Variants in HECW2 observed in about 807,000 individuals in gnomAD.
HECW2 encodes the protein HECT, C2 and WW domain containing E3 ubiquitin protein ligase 2.
HECW2 carries 61 observed loss-of-function variants against 175.2 expected under a neutral mutation model. That is an observed-to-expected ratio of 0.35 (90% CI 0.28 to 0.43). HECW2 has a LOEUF of 0.43. HECW2 is among the 20% of genes least tolerant of loss of function. The pLI, the probability that HECW2 is intolerant of heterozygous loss-of-function variation, is 1.00. For synonymous variants in HECW2, 671 were observed against 731.0 expected, an observed-to-expected ratio of 0.92 and a Z score of 1.32; for missense variants, 1,524 against 2,000.5, an observed-to-expected ratio of 0.76 and a Z score of 4.54.
rs778533837 is a variant in HECW2 at position 196,278,564 on chromosome 2, T to C, written c.3099A>G (p.Gln1033=). 64 of 1,614,148 alleles carry C rather than the reference T, an allele frequency of 4.0e-5. No homozygotes were observed. The highest frequency in any genetic ancestry group is 5.1e-5 in the Non-Finnish European group (60 of 1,180,018). The change falls in exon 15 of 29, where the codon CAA becomes CAG. Residue 1033 remains glutamine (Q), a synonymous_variant. Coordinates refer to ENST00000644978, the MANE Select transcript of HECW2 (RefSeq NM_001348768.2). The part of the protein sequence containing the change: ...SRPTSALVHR[Q]HLTRQRSHSA... ...TGTGGCTGCGTTGCCTTGTCAGGTG[T>C]TGCCGATGAACCAGCGCACTTGTGG...
intron 23 of HECW2, 84 bp from the exon 24 acceptor site, chr2:196,222,424 TAAAG>T (rs1687703424): frequency 7.5e-7 from 1 of 1,329,596 alleles, no homozygotes; most frequent in Admixed American, 2.1e-5. Context: ...AACTAAGAAT[TAAAG>T]AGAAGAATAA....
chr2:196,382,727 A>T (rs750938454), intron 2 of HECW2, among the ~76,000 whole-genome samples: 260 of 152,270 alleles, frequency 1.7e-3, no homozygotes, highest in Non-Finnish European at 2.0e-3. Flanking sequence ...TTTAAAAAGC[A>T]TCTACAGCAA....
intron 28 of HECW2, among the ~76,000 whole-genome samples, chr2:196,213,904 T>A (rs2105796057): frequency 6.6e-6 from 1 of 152,222 alleles, no homozygotes; most frequent in Non-Finnish European, 1.5e-5. Flanking sequence ...AAATCAAGGC[T>A]CAAAGATGAA....
At chr2:196,512,164 A>G (rs1412363694) in intron 1 of HECW2, among the ~76,000 whole-genome samples, 5 of 152,242 alleles carry the variant, frequency 3.3e-5, no homozygotes. Context: ...CATTCCATTC[A>G]CAATGACGGG....
At chr2:196,586,948 ATAT>A (rs546232348) in intron 1 of HECW2, among the ~76,000 whole-genome samples, 131 of 152,258 alleles carry the variant, frequency 8.6e-4, no homozygotes, top group African/African-American at 3.0e-3. Context: ...CACTCCACTG[ATAT>A]TATGCCACAG....
intron 2 of HECW2, among the ~76,000 whole-genome samples, chr2:196,383,183 A>G (rs1356884075): frequency 6.6e-6 from 1 of 152,240 alleles, no homozygotes; most frequent in African/African-American, 2.4e-5. Context: ...CATAAGTCTC[A>G]AATGTCTGAT....
intron 28 of HECW2, among the ~76,000 whole-genome samples, chr2:196,209,439 C>A (rs1687184094): frequency 6.6e-6 from 1 of 152,122 alleles, no homozygotes; most frequent in Non-Finnish European, 1.5e-5. Flanking sequence ...TGGGTTAACT[C>A]TGGCATGTTT....
chr2:196,438,433 A>G (rs569113247), intron 1 of HECW2, among the ~76,000 whole-genome samples: 1 of 152,308 alleles, frequency 6.6e-6, no homozygotes, highest in South Asian at 2.1e-4. Context: ...CTTTTTTTAA[A>G]TACTAAGGCT....
rs1158051512 is a variant in HECW2 at position 196,521,282 on chromosome 2, CAAAAAAA to C, written c.-36+72219_-36+72225del. Reference sequence around the variant, plus strand: ...CATCCTCACTAGGAAACGTGAGTAACAAAAAAAAAAAAAAAAAAAAAAAAAGAAAGAA... The same window carrying C: ...CATCCTCACTAGGAAACGTGAGTAACAAAAAAAAAAAAAAAAAAGAAAGAA... On this transcript the variant is annotated intron_variant, in intron 1 of 28. Transcript: ENST00000644978. Among the ~76,000 whole-genome samples the C allele has an allele frequency of 7.2e-3, 385 of 53,684 alleles. 1 individual carries two copies. Among genetic ancestry groups the C allele is most frequent in the Middle Eastern group, 0.017 (1 of 58 alleles). The allele number at this position is 53,684 out of a possible 152,430, so 35.2% of individuals were successfully genotyped here. A position where few individuals can be genotyped will look rare whatever the true frequency, so the allele number is the denominator to read the frequency against.
intron 19 of HECW2, among the ~76,000 whole-genome samples, chr2:196,247,143 TGG>T (rs1245602897): frequency 6.6e-6 from 1 of 151,712 alleles, no homozygotes; most frequent in African/African-American, 2.4e-5. Flanking sequence ...CCCAGCTACT[TGG>T]GGGGCTGAGG....
At chr2:196,358,232 T>C (rs1255947103) in intron 2 of HECW2, among the ~76,000 whole-genome samples, 1 of 152,162 alleles carries the variant, frequency 6.6e-6, no homozygotes, top group Non-Finnish European at 1.5e-5. Context: ...TACATGAGTA[T>C]AGTATGTGAA....
chr2:196,319,062 C>G lies in HECW2; in HGVS notation c.1828G>C (p.Val610Leu), dbSNP rs1223623068. 1.2e-6 allele frequency: 2 copies of G among 1,612,178 alleles called. No individual in the cohort carries two copies. The highest frequency in any genetic ancestry group is 4.5e-5 in the East Asian group (2 of 44,874). Residue 610 changes from valine (V) to leucine (L), a missense_variant, in exon 9 of 29, where the codon GTG becomes CTG. Val to Leu is a conservative substitution (Grantham distance 32, BLOSUM62 1). Transcript: ENST00000644978. ...SLDQGSEPSQ[V>L]SSETEPSDPA... The stretch of plus-strand genomic sequence containing the variant: ...TCACTGGGTTCTGTTTCAGAGGACA[C>G]CTGGGAAGGCTCAGAGCCCTGATCG...
chr2:196,254,147 C>A (rs966475335), intron 18 of HECW2, 118 bp from the exon 19 acceptor site: 2 of 1,403,016 alleles, frequency 1.4e-6, no homozygotes, highest in Non-Finnish European at 1.9e-6. Context: ...AGAGAGCATC[C>A]GCCCCCTTTC....
At chr2:196,327,915 T>C (rs138486904) in intron 5 of HECW2, among the ~76,000 whole-genome samples, 150 of 152,298 alleles carry the variant, frequency 9.8e-4, no homozygotes, top group African/African-American at 3.4e-3. Context: ...CATTCTCACA[T>C]AGTCAGTTAA....
intron 9 of HECW2, among the ~76,000 whole-genome samples, chr2:196,317,692 AT>A (rs1019553037): frequency 2.1e-5 from 3 of 144,466 alleles, no homozygotes; most frequent in African/African-American, 7.9e-5. Context: ...AGGAAACAAA[AT>A]TTAAAAAAAA....
intron 21 of HECW2, among the ~76,000 whole-genome samples, chr2:196,232,977 G>A (rs749697611): frequency 6.6e-6 from 1 of 152,158 alleles, no homozygotes; most frequent in Non-Finnish European, 1.5e-5. Context: ...ATAATCCAAA[G>A]CTTAGAACTG....
chr2:196,314,201 G>A (rs1390832052), intron 10 of HECW2, among the ~76,000 whole-genome samples: 1 of 152,230 alleles, frequency 6.6e-6, no homozygotes, highest in Non-Finnish European at 1.5e-5. Context: ...CCTAATAGGT[G>A]AGGGGCCTCC....
At chr2:196,393,469 C>G (rs539344104) in intron 2 of HECW2, among the ~76,000 whole-genome samples, 188 of 92,406 alleles carry the variant, frequency 2.0e-3, no homozygotes, top group Middle Eastern at 4.4e-3. Flanking sequence ...AAAAATCAAA[C>G]AACCCCATCA....
chr2:196,567,869 T>C (rs944566473), intron 1 of HECW2, among the ~76,000 whole-genome samples: 1 of 152,220 alleles, frequency 6.6e-6, no homozygotes, highest in African/African-American at 2.4e-5. Flanking sequence ...TTCTCACATT[T>C]TGGAAATTAA....
Sources: gnomAD v4.1 joint callset for allele counts (sites outside exome capture counted in the v4.1 genomes callset) on GRCh38, gnomAD v4.1.1 for gene constraint, MANE v1.5 for transcripts, NCBI Gene and HGNC (gene_info 2026-07-23, HGNC 2026-07-21) for gene names.